The following TGFBR3 variants were observed in gnomAD, a reference collection of about 807,000 sequenced individuals.
TGFBR3 encodes transforming growth factor beta receptor 3, also known as transforming growth factor beta receptor type 3.
TGFBR3 carries 46 observed loss-of-function variants against 87.9 expected under a neutral mutation model. That is an observed-to-expected ratio of 0.52 (90% CI 0.41 to 0.67). The LOEUF (loss-of-function observed/expected upper bound fraction) is 0.67. TGFBR3 is among the 30% of genes least tolerant of loss of function. The probability of loss-of-function intolerance (pLI) is 0.00; values close to 1 mark genes in which losing one functional copy is unlikely to be tolerated. For synonymous variants in TGFBR3, 381 were observed against 391.6 expected (o/e 0.97, Z 0.32); for missense variants, 866 against 1,041.9 (o/e 0.83, Z 2.32).
At chr1:91,742,004 C>G (rs954515726) in intron 4 of TGFBR3, among the ~76,000 whole-genome samples, 2 of 152,164 alleles carry the variant, frequency 1.3e-5, no homozygotes, top group Non-Finnish European at 2.9e-5. Flanking sequence ...CCCACATACC[C>G]AAGAACTACT....
chr1:91,897,229 T>C (rs1679572104), intron 2 of TGFBR3, among the ~76,000 whole-genome samples: 1 of 152,226 alleles, frequency 6.6e-6, no homozygotes, highest in Non-Finnish European at 1.5e-5. Flanking sequence ...CTGTCAAATG[T>C]AGCCTGCGGG....
chr1:91,894,833 C>G (rs1489017111), intron 2 of TGFBR3, among the ~76,000 whole-genome samples: 2 of 152,232 alleles, frequency 1.3e-5, no homozygotes, highest in East Asian at 1.9e-4. Context: ...TGCAGTGGCA[C>G]AAACTCGGCT....
At chr1:91,889,639 A>C (rs1679404444), upstream of TGFBR3, among the ~76,000 whole-genome samples, 1 of 152,094 alleles carries the variant, frequency 6.6e-6, no homozygotes, top group Non-Finnish European at 1.5e-5. Context: ...TTCCTGAGCA[A>C]AGCTCTATAA....
intron 14 of TGFBR3, among the ~76,000 whole-genome samples, chr1:91,703,407 T>C (rs1219879170): frequency 2.0e-5 from 3 of 152,220 alleles, no homozygotes; most frequent in Non-Finnish European, 4.4e-5. Context: ...ATCCAAGATA[T>C]GCAGGCATTT....
At chr1:91,736,429 C>T (rs1210417242) in intron 4 of TGFBR3, among the ~76,000 whole-genome samples, 1 of 143,022 alleles carries the variant, frequency 7.0e-6, no homozygotes, top group East Asian at 2.1e-4. Flanking sequence ...AAGCTACTCA[C>T]AACAGCTACC....
intron 16 of TGFBR3, among the ~76,000 whole-genome samples, chr1:91,686,406 A>C (rs1179216328): frequency 2.6e-5 from 4 of 152,198 alleles, no homozygotes; most frequent in Non-Finnish European, 4.4e-5. Context: ...CACCAGCTGG[A>C]TAAGTCAAGT....
At chr1:91,830,837 T>G (rs1314630272) in intron 2 of TGFBR3, among the ~76,000 whole-genome samples, 2 of 151,986 alleles carry the variant, frequency 1.3e-5, no homozygotes, top group Non-Finnish European at 1.5e-5. Context: ...CCTGGAAAAG[T>G]GAGTGTGGAG....
intron 5 of TGFBR3, among the ~76,000 whole-genome samples, chr1:91,734,547 C>T (rs1387004486): frequency 6.6e-6 from 1 of 152,210 alleles, no homozygotes; most frequent in African/African-American, 2.4e-5. Flanking sequence ...TCCCCCTGCT[C>T]CTCCCTGTGT....
chr1:91,729,262 TCCA>T (rs1397031834), intron 6 of TGFBR3, among the ~76,000 whole-genome samples: 1 of 119,426 alleles, frequency 8.4e-6, no homozygotes, highest in Non-Finnish European at 1.7e-5. Flanking sequence ...GAAGAGCCAC[TCCA>T]CCACACACGT....
chr1:91,686,951 T>C (rs771260626), intron 16 of TGFBR3, among the ~76,000 whole-genome samples: 4 of 152,114 alleles, frequency 2.6e-5, no homozygotes, highest in Non-Finnish European at 4.4e-5. Flanking sequence ...GCAGAGGAAA[T>C]GTACTCAGTC....
intron 16 of TGFBR3, among the ~76,000 whole-genome samples, chr1:91,693,860 G>T (rs1160857534): frequency 3.3e-5 from 5 of 152,146 alleles, no homozygotes; most frequent in Non-Finnish European, 7.3e-5. Context: ...GAACATGTCG[G>T]TATTCCTGCG....
Position 91,719,418 on chromosome 1 carries a change from C to G in TGFBR3, c.1460G>C (p.Cys487Ser). The change falls in exon 10 of 17, where the codon TGC becomes TCC. Residue 487 changes from cysteine (C) to serine (S), a missense_variant. Transcript: ENST00000212355. ...GMDVTLLDPTCKAKMNGTHFV... is the reference protein window; with the variant it reads ...GMDVTLLDPTSKAKMNGTHFV... Reference sequence around the variant, plus strand: ...GTGTGTGCCATTCATCTTGGCCTTGCAGGTAGGATCCAACAGGGTGACGTC... The same window carrying G: ...GTGTGTGCCATTCATCTTGGCCTTGGAGGTAGGATCCAACAGGGTGACGTC... The G allele has an allele frequency of 6.2e-7, 1 of 1,614,166 alleles. No individual in the cohort carries two copies. The highest frequency in any genetic ancestry group is 8.5e-7 in the Non-Finnish European group (1 of 1,180,020).
intron 3 of TGFBR3, among the ~76,000 whole-genome samples, chr1:91,791,946 G>A (rs2100993188): frequency 6.6e-6 from 1 of 152,302 alleles, no homozygotes; most frequent in East Asian, 1.9e-4. Flanking sequence ...TAAGAGGCAA[G>A]TCGAGCAGTT....
In TGFBR3 at chr1:91,719,662, T is replaced by A. The variant is rs144404249; in HGVS notation, c.1414-198A>T. On this transcript the variant is annotated intron_variant, in intron 9 of 16. Transcript: ENST00000212355. ...GTATCTGTTGGCCTTGGAAATTCAA[T>A]AGCAAAATATTGACACACAAGGATC... is the stretch of plus-strand genomic sequence containing the variant. Among the ~76,000 whole-genome samples the A allele has an allele frequency of 3.2e-3, 494 of 152,120 alleles. 7 individuals are homozygous for A. The highest frequency in any genetic ancestry group is 0.011 in the African/African-American group (464 of 41,502).
At chr1:91,867,338 C>T (rs1257114434) in intron 1 of TGFBR3, among the ~76,000 whole-genome samples, 4 of 152,204 alleles carry the variant, frequency 2.6e-5, no homozygotes, top group Admixed American at 2.6e-4. Flanking sequence ...AGCCTGACTC[C>T]ACTCTGCCTG....
chr1:91,853,637 G>C (rs190145790), intron 2 of TGFBR3, among the ~76,000 whole-genome samples: 1 of 152,310 alleles, frequency 6.6e-6, no homozygotes, highest in Non-Finnish European at 1.5e-5. Flanking sequence ...GATGAACATG[G>C]AGGACATTAT....
intron 3 of TGFBR3, among the ~76,000 whole-genome samples, chr1:91,783,432 G>A (rs902722121): frequency 3.9e-5 from 6 of 152,214 alleles, no homozygotes; most frequent in Non-Finnish European, 5.9e-5. Flanking sequence ...CCACTGAGGT[G>A]CCCCGGCGGG....
chr1:91,748,305 T>A (rs577099797), intron 4 of TGFBR3, among the ~76,000 whole-genome samples: 18 of 152,318 alleles, frequency 1.2e-4, no homozygotes, highest in African/African-American at 4.1e-4. Context: ...AAGGTTGAAC[T>A]GCACATATTT....
At chr1:91,694,705 C>G (rs971129684) in intron 16 of TGFBR3, among the ~76,000 whole-genome samples, 3 of 152,160 alleles carry the variant, frequency 2.0e-5, no homozygotes, top group Non-Finnish European at 4.4e-5. Flanking sequence ...GTTTAATGGA[C>G]AATTAATGAA....
Sources: gnomAD v4.1 joint callset for allele counts (sites outside exome capture counted in the v4.1 genomes callset) on GRCh38, gnomAD v4.1.1 for gene constraint, MANE v1.5 for transcripts, NCBI Gene and HGNC (gene_info 2026-07-23, HGNC 2026-07-21) for gene names.